Variants in H2AZ2 observed in about 807,000 individuals in gnomAD.
H2AZ2 encodes the protein histone H2A.V.
A neutral mutation model predicts 15.5 loss-of-function variants in H2AZ2; 5 were observed. The observed-to-expected ratio is 0.32, with a 90% CI of 0.17 to 0.68. The LOEUF is 0.68. Among genes scored for constraint, H2AZ2 ranks in the 30% least tolerant of loss-of-function variants. The pLI is 0.72. For missense variants in H2AZ2, 42 were observed against 162.5 expected, an observed-to-expected ratio of 0.26 and a Z score of 4.03; for synonymous variants, 44 against 57.4, an observed-to-expected ratio of 0.77 and a Z score of 1.05.
At chr7:44,830,019 G>T, downstream of H2AZ2, 1 of 768,492 alleles carries the variant, frequency 1.3e-6, no homozygotes, top group Non-Finnish European at 2.1e-6. Context: ...TATCTGAGAA[G>T]CAAATGTCCT....
chr7:44,830,274 T>C, downstream of H2AZ2: 1 of 1,013,390 alleles, frequency 9.9e-7, no homozygotes, highest in South Asian at 1.5e-5. Context: ...ATGTTAACTA[T>C]AGATATAGGT....
chr7:44,838,978 GATT>G (rs1793199487), intron 3 of H2AZ2, among the ~76,000 whole-genome samples: 1 of 152,128 alleles, frequency 6.6e-6, no homozygotes, highest in African/African-American at 2.4e-5. Context: ...CTTCCCAACG[GATT>G]TTTTTAAAGG....
upstream of H2AZ2, chr7:44,848,122 G>T: frequency 2.5e-6 from 1 of 394,182 alleles, no homozygotes; most frequent in Non-Finnish European, 4.2e-6. Context: ...ATGCCCGCTT[G>T]TCTTGCTGGT....
At chr7:44,844,238 G>A (rs944255535) in intron 1 of H2AZ2, among the ~76,000 whole-genome samples, 5 of 152,124 alleles carry the variant, frequency 3.3e-5, no homozygotes, top group African/African-American at 1.2e-4. Flanking sequence ...TGAACAAAAT[G>A]ATATACATAT....
At chr7:44,835,437 A>T in intron 4 of H2AZ2, 92 bp downstream of exon 4, 2 of 1,006,878 alleles carry the variant, frequency 2.0e-6, no homozygotes, top group Non-Finnish European at 2.9e-6. Flanking sequence ...TATGCTTTCT[A>T]GTTAACCGAT....
rs1017426005 is a variant in H2AZ2 at position 44,833,158 on chromosome 7, T to C, written c.*1343A>G. 1.3e-5 allele frequency among the ~76,000 whole-genome samples: 2 copies of C among 152,038 alleles called. No individual in the cohort carries two copies. Among genetic ancestry groups the C allele is most frequent in the Non-Finnish European group, 2.9e-5 (2 of 68,004 alleles). ...TGCCTCCTGGGTTCAAGTGATTTTTTGTGCCCCAGTGCCCCAAGTAGTTGG... is the reference window on the plus strand; with the variant it reads ...TGCCTCCTGGGTTCAAGTGATTTTTCGTGCCCCAGTGCCCCAAGTAGTTGG... On this transcript the variant is annotated 3_prime_UTR_variant, in exon 5 of 5. Coordinates refer to ENST00000308153, the MANE Select transcript of H2AZ2 (RefSeq NM_012412.5).
intron 3 of H2AZ2, among the ~76,000 whole-genome samples, chr7:44,839,388 A>T (rs1399924324): frequency 2.0e-5 from 3 of 152,070 alleles, no homozygotes; most frequent in Non-Finnish European, 4.4e-5. Flanking sequence ...CAAAAAAATA[A>T]AAAATAGGCT....
At chr7:44,842,007 C>T (rs1034709174) in intron 2 of H2AZ2, among the ~76,000 whole-genome samples, 5 of 152,176 alleles carry the variant, frequency 3.3e-5, no homozygotes, top group Admixed American at 1.3e-4. Flanking sequence ...CTAACTTGAC[C>T]TTTGAAGGCC....
rs1176426113 is a variant in H2AZ2, at chr7:44,835,948, GAA to G, written c.196-292_196-291del. Among the ~76,000 whole-genome samples the G allele has an allele frequency of 2.9e-5, 4 of 138,258 alleles. No homozygotes were observed. The Admixed American group carries it at 3.2e-4, about 11-fold the overall frequency. The allele number at this position is 138,258 out of a possible 152,430, so 90.7% of individuals were successfully genotyped here. A position where few individuals can be genotyped will look rare whatever the true frequency, so the allele number is the denominator to read the frequency against. ...CCAAGATGCCAGATGTGAACATTTA[GAA>G]AAGTCTTTTTTTTTTTTTTTTTTTT... is the stretch of plus-strand genomic sequence containing the variant. On this transcript the variant is annotated intron_variant, in intron 3 of 4. Coordinates refer to ENST00000308153, the MANE Select transcript of H2AZ2 (RefSeq NM_012412.5).
At chr7:44,843,170 A>AAAAAAAAAAAAAAAAAAAAAAAAC (rs1793316957) in intron 2 of H2AZ2, 107 bp downstream of exon 2, 1 of 271,980 alleles carries the variant, frequency 3.7e-6, no homozygotes. Flanking sequence ...AAAAAAAAAA[A>AAAAAAAAAAAAAAAAAAAAAAAAC]AAAAAGTCTG....
chr7:44,835,634 A>G lies in H2AZ2; in HGVS notation c.220T>C (p.Ser74Pro). ...ATACGCTTTACTTTGAGATCCTTAG[A>G]AGCATTACCTGCCAGCTCCAGCACC... The part of the protein sequence containing the change: ...AEVLELAGNA[S>P]KDLKVKRITP... The change falls in exon 4 of 5, where the codon TCT becomes CCT. Residue 74 changes from serine to proline, a missense_variant. By Grantham distance (74) the Ser-to-Pro change is moderately conservative. Transcript: ENST00000308153. The G allele has an allele frequency of 6.2e-7, 1 of 1,609,432 alleles. No homozygotes were observed.
chr7:44,835,383 G>T (rs1341209619), intron 4 of H2AZ2, 146 bp downstream of exon 4: 3 of 557,798 alleles, frequency 5.4e-6, no homozygotes, highest in Non-Finnish European at 8.8e-6. Context: ...ATTATGAAAA[G>T]CTTAGAATTG....
intron 3 of H2AZ2, among the ~76,000 whole-genome samples, chr7:44,837,598 A>C (rs10247923): frequency 0.75 from 112,577 of 150,550 alleles, 44,873 homozygotes; most frequent in Non-Finnish European, 0.9. Flanking sequence ...TCAGGTAATC[A>C]TCCCACCTCA....
At chr7:44,828,353 C>CT (rs1450219260), downstream of H2AZ2, 2 of 152,130 alleles carry the variant, frequency 1.3e-5, no homozygotes, top group African/African-American at 2.4e-5. Context: ...CACTGAACCT[C>CT]TGGTAATAAC....
chr7:44,830,813 C>T (rs1347917136), downstream of H2AZ2, among the ~76,000 whole-genome samples: 1 of 152,128 alleles, frequency 6.6e-6, no homozygotes, highest in African/African-American at 2.4e-5. Flanking sequence ...GCCTGGCCAA[C>T]ATGGTGAAAC....
Position 44,843,361 on chromosome 7 carries a change from G to A in H2AZ2, c.4-7C>T. 6.2e-7 allele frequency: 1 copy of A among 1,601,790 alleles called. No individual in the cohort carries two copies. The highest frequency in any genetic ancestry group is 1.7e-5 in the Admixed American group (1 of 57,192). On this transcript the variant is annotated splice_polypyrimidine_tract_variant and splice_region_variant and intron_variant, in intron 1 of 4. Coordinates refer to ENST00000308153, the MANE Select transcript of H2AZ2 (RefSeq NM_012412.5). ...TTCCAGCTTTGCCTCCAGCCTAAAT[G>A]CAAAAAAAAATTTTTTTGAATGAAA...
In H2AZ2 at chr7:44,832,997, T is replaced by G. The variant is rs1793028016; in HGVS notation, c.*1504A>C. On this transcript the variant is annotated 3_prime_UTR_variant, in exon 5 of 5. Coordinates refer to ENST00000308153, the MANE Select transcript of H2AZ2 (RefSeq NM_012412.5). Reference sequence around the variant, plus strand: ...AGAAACTGATAAATAAATATAATTTTTAAAAGATTGTACAAATTACTGTTA... The same window carrying G: ...AGAAACTGATAAATAAATATAATTTGTAAAAGATTGTACAAATTACTGTTA... 6.6e-6 allele frequency among the ~76,000 whole-genome samples: 1 copy of G among 152,110 alleles called. No homozygotes were observed. Among genetic ancestry groups the G allele is most frequent in the South Asian group, 2.1e-4 (1 of 4,828 alleles).
Position 44,833,556 on chromosome 7 carries a change from G to T in H2AZ2, c.*945C>A. Reference sequence around the variant, plus strand: ...GGCCGAGACGGCGTTTTACCATGTTGGCCAGGCTGGTCTCAAACTCCTGAC... The same window carrying T: ...GGCCGAGACGGCGTTTTACCATGTTTGCCAGGCTGGTCTCAAACTCCTGAC... On this transcript the variant is annotated 3_prime_UTR_variant, in exon 5 of 5. Coordinates refer to ENST00000308153, the MANE Select transcript of H2AZ2 (RefSeq NM_012412.5). 5 of 367,418 alleles carry T rather than the reference G, an allele frequency of 1.4e-5. No individual in the cohort carries two copies. Among genetic ancestry groups the T allele is most frequent in the Non-Finnish European group, 1.9e-5 (5 of 265,058 alleles). The allele number at this position is 367,418 out of a possible 1,614,324, so 22.8% of individuals were successfully genotyped here.
Position 44,832,993 on chromosome 7 carries a change from A to G in H2AZ2, c.*1508T>C, listed in dbSNP as rs532974168. Reference sequence around the variant, plus strand: ...TCTTAGAAACTGATAAATAAATATAATTTTTAAAAGATTGTACAAATTACT... The same window carrying G: ...TCTTAGAAACTGATAAATAAATATAGTTTTTAAAAGATTGTACAAATTACT... On this transcript the variant is annotated 3_prime_UTR_variant, in exon 5 of 5. Coordinates refer to ENST00000308153, the MANE Select transcript of H2AZ2 (RefSeq NM_012412.5). 2.0e-5 allele frequency among the ~76,000 whole-genome samples: 3 copies of G among 152,214 alleles called. No homozygotes were observed. The highest frequency in any genetic ancestry group is 4.4e-5 in the Non-Finnish European group (3 of 68,018).
Sources: gnomAD v4.1 joint callset for allele counts (sites outside exome capture counted in the v4.1 genomes callset) on GRCh38, gnomAD v4.1.1 for gene constraint, MANE v1.5 for transcripts, NCBI Gene and HGNC (gene_info 2026-07-23, HGNC 2026-07-21) for gene names.